SEL1L: variants seen among roughly 807,000 people sequenced by gnomAD.
SEL1L encodes the protein protein sel-1 homolog 1.
SEL1L carries 52 observed loss-of-function variants against 109.8 expected under a neutral mutation model. The ratio of observed to expected loss-of-function variants is 0.47; its 90% CI spans 0.38 to 0.60. The LOEUF is 0.60. Ranked by LOEUF, SEL1L falls within the 20% of genes least tolerant of loss-of-function variation. The pLI is 0.00. For synonymous variants in SEL1L, 373 were observed against 339.6 expected, an observed-to-expected ratio of 1.10 and a Z score of -1.08; for missense variants, 749 against 962.2, an observed-to-expected ratio of 0.78 and a Z score of 2.93.
intron 1 of SEL1L, among the ~76,000 whole-genome samples, chr14:81,530,670 A>G (rs939170098): frequency 6.6e-6 from 1 of 152,240 alleles, no homozygotes; most frequent in South Asian, 2.1e-4. Context: ...ATGAAGAAAT[A>G]TCTTTTTAGT....
intron 3 of SEL1L, among the ~76,000 whole-genome samples, chr14:81,517,236 G>C (rs1884735679): frequency 6.6e-6 from 1 of 152,158 alleles, no homozygotes. Flanking sequence ...CTGGCTTGCT[G>C]GATGCCCCTG....
At chr14:81,501,643 C>A (rs1035624592) in intron 6 of SEL1L, among the ~76,000 whole-genome samples, 1 of 152,098 alleles carries the variant, frequency 6.6e-6, no homozygotes, top group Non-Finnish European at 1.5e-5. Flanking sequence ...TTAGATATTT[C>A]ACTTATCTTT....
chr14:81,529,923 A>G (rs1324539543), intron 1 of SEL1L, among the ~76,000 whole-genome samples: 2 of 152,252 alleles, frequency 1.3e-5, no homozygotes, highest in Non-Finnish European at 2.9e-5. Flanking sequence ...TGTTTTCATC[A>G]GAACACAGAT....
At position 81,526,889 on chromosome 14, in the gene SEL1L, C is replaced by T; in HGVS notation, c.184G>A (p.Asp62Asn). The T allele has an allele frequency of 6.3e-7, 1 of 1,598,646 alleles. No individual in the cohort carries two copies. Among genetic ancestry groups the T allele is most frequent in the Non-Finnish European group, 8.5e-7 (1 of 1,174,434 alleles). Residue 62 changes from aspartate (D) to asparagine (N), a missense_variant, in exon 3 of 21, where the codon GAT becomes AAT. Physicochemically the swap from Asp to Asn is conservative, Grantham distance 23 (BLOSUM62 1). This residue lies in a region of SEL1L where 366 missense variants were observed against 399.8 expected (regional missense o/e 0.92). Transcript: ENST00000336735. ...GRVVAGQIFL[D>N]SEESELESSI... is the part of the protein sequence containing the mutation. The stretch of plus-strand genomic sequence containing the variant: ...GATTCTAATTCAGATTCTTCTGAAT[C>T]AAGAAATATTTGACCAGCAACTACT...
At chr14:81,484,063 G>A (rs367572708) in intron 19 of SEL1L, among the ~76,000 whole-genome samples, 162 bp downstream of exon 19, 3 of 152,318 alleles carry the variant, frequency 2.0e-5, no homozygotes, top group African/African-American at 7.2e-5. Context: ...GCTGGAAGAT[G>A]AGAGATGGAA....
Position 81,506,214 on chromosome 14 carries a change from T to G in SEL1L, c.368A>C (p.His123Pro), listed in dbSNP as rs1479197930. The G allele has an allele frequency of 6.2e-6, 10 of 1,607,778 alleles. No homozygotes were observed. The highest frequency in any genetic ancestry group is 7.6e-6 in the Non-Finnish European group (9 of 1,177,830). ...PALTAIEGTA[H>P]GEPCHFPFLF... ...AAAAGGGAAGTGGCAGGGCTCCCCATGTGCTGTGCCTTCAATGGCGGTCAA... is the reference window on the plus strand; with the variant it reads ...AAAAGGGAAGTGGCAGGGCTCCCCAGGTGCTGTGCCTTCAATGGCGGTCAA... Residue 123 changes from histidine (H) to proline (P), a missense_variant, in exon 4 of 21, where the codon CAT (histidine) becomes CCT (proline). Physicochemically the swap from His to Pro is moderately conservative, Grantham distance 77. This residue lies in a region of SEL1L where 366 missense variants were observed against 399.8 expected (regional missense o/e 0.92). Coordinates refer to ENST00000336735, the MANE Select transcript of SEL1L (RefSeq NM_005065.6).
Position 81,498,421 on chromosome 14 carries a change from G to A in SEL1L, c.965C>T (p.Ala322Val), listed in dbSNP as rs781242685. The change falls in exon 9 of 21, where the codon GCC becomes GTC. Residue 322 changes from alanine to valine, a missense_variant. Coordinates refer to ENST00000336735, the MANE Select transcript of SEL1L (RefSeq NM_005065.6). Reference sequence around the variant, plus strand: ...AGGGGAAACATAGATACCATGATTGGCAACAAGACGATAGTGAGTCAGGGC... The same window carrying A: ...AGGGGAAACATAGATACCATGATTGACAACAAGACGATAGTGAGTCAGGGC... ...ESALTHYRLV[A>V]NHVASDISLT... The A allele has an allele frequency of 6.2e-7, 1 of 1,612,538 alleles. No homozygotes were observed. Among genetic ancestry groups the A allele is most frequent in the Non-Finnish European group, 8.5e-7 (1 of 1,179,056 alleles).
At chr14:81,518,207 T>C (rs1262110804) in intron 3 of SEL1L, among the ~76,000 whole-genome samples, 4 of 151,704 alleles carry the variant, frequency 2.6e-5, no homozygotes, top group African/African-American at 9.7e-5. Context: ...ACGGAACTTC[T>C]TGTACTCTGA....
At chr14:81,491,001 G>A (rs1332400023) in intron 12 of SEL1L, among the ~76,000 whole-genome samples, 1 of 152,152 alleles carries the variant, frequency 6.6e-6, no homozygotes, top group African/African-American at 2.4e-5. Flanking sequence ...TCAAATTTAT[G>A]ACTTATTTAT....
At chr14:81,533,178 C>A (rs1885400786) in intron 1 of SEL1L, among the ~76,000 whole-genome samples, 1 of 152,172 alleles carries the variant, frequency 6.6e-6, no homozygotes, top group Non-Finnish European at 1.5e-5. Context: ...CAAAAGTCTT[C>A]GTTTTTAAAC....
chr14:81,518,659 TAAAAAAAAAAAA>T lies in SEL1L; in HGVS notation c.340+8062_340+8073del, dbSNP rs35790401. 3.6e-5 allele frequency among the ~76,000 whole-genome samples: 3 copies of T among 84,480 alleles called. No individual in the cohort carries two copies. In the East Asian group the frequency reaches 9.7e-4, roughly 27 times the overall value. 55.4% of individuals were successfully genotyped at this position (84,480 alleles called of 152,430 possible). On this transcript the variant is annotated intron_variant, in intron 3 of 20. Coordinates refer to ENST00000336735, the MANE Select transcript of SEL1L (RefSeq NM_005065.6). Reference sequence around the variant, plus strand: ...TGGGGGACAAGAGCGAGACTTCGTCTAAAAAAAAAAAAAAAAAAAAAGGTAAAAAGATTAGAA... The same window carrying T: ...TGGGGGACAAGAGCGAGACTTCGTCTAAAAAAAAAGGTAAAAAGATTAGAA...
At chr14:81,484,497 G>T (rs987760989) in intron 18 of SEL1L, 100 bp from the exon 19 acceptor site, 3 of 1,133,986 alleles carry the variant, frequency 2.6e-6, no homozygotes, top group Admixed American at 2.3e-5. Flanking sequence ...ATAAAACAAA[G>T]AATTTTAATT....
In SEL1L at chr14:81,475,660, G is replaced by A. The variant is rs113517188; in HGVS notation, c.*1312C>T. On this transcript the variant is annotated 3_prime_UTR_variant, in exon 21 of 21. Transcript: ENST00000336735. ...GACAATAAAATGAAATACAAATTCA[G>A]TTTAAGCTTTAATTATTTCACGTGT... The A allele has an allele frequency of 5.9e-5, 9 of 152,248 alleles. No individual in the cohort carries two copies. The highest frequency in any genetic ancestry group is 2.2e-4 in the African/African-American group (9 of 41,538). 9.4% of individuals were successfully genotyped at this position (152,248 alleles called of 1,614,324 possible).
At chr14:81,518,563 G>T (rs1884790297) in intron 3 of SEL1L, among the ~76,000 whole-genome samples, 1 of 150,458 alleles carries the variant, frequency 6.6e-6, no homozygotes, top group African/African-American at 2.5e-5. Flanking sequence ...GGGAGACTGA[G>T]GCAGGAGAAT....
At chr14:81,527,244 C>T (rs902090012) in intron 2 of SEL1L, among the ~76,000 whole-genome samples, 1 of 152,272 alleles carries the variant, frequency 6.6e-6, no homozygotes, top group African/African-American at 2.4e-5. Context: ...CCCAACATAC[C>T]TTATACTTCT....
chr14:81,505,203 T>A (rs1310367852), intron 4 of SEL1L, among the ~76,000 whole-genome samples: 1 of 152,202 alleles, frequency 6.6e-6, no homozygotes, highest in Admixed American at 6.5e-5. Context: ...TAATACAAGT[T>A]AGTAAAAAAT....
At chr14:81,481,180 G>C (rs1903345960) in intron 19 of SEL1L, among the ~76,000 whole-genome samples, 1 of 152,126 alleles carries the variant, frequency 6.6e-6, no homozygotes, top group African/African-American at 2.4e-5. Context: ...GGAGTGTTCT[G>C]AATTCAGATA....
Position 81,484,371 on chromosome 14 carries a change from C to T in SEL1L, c.1900G>A (p.Gly634Arg), listed in dbSNP as rs749864202. 1.9e-6 allele frequency: 3 copies of T among 1,613,718 alleles called. No homozygotes were observed. Among genetic ancestry groups the T allele is most frequent in the Non-Finnish European group, 2.5e-6 (3 of 1,179,746 alleles). ...CCAAACCCATAGAAATGGTAGTCTC[C>T]GAGCTTAATTCTAGCCACAGTATAG... Reference protein sequence around the residue: ...QGYTVARIKLGDYHFYGFGTD... With the variant: ...QGYTVARIKLRDYHFYGFGTD... The change falls in exon 19 of 21, where the codon GGA (glycine) becomes AGA (arginine). Residue 634 changes from glycine to arginine, a missense_variant. Physicochemically the swap from Gly to Arg is moderately radical, Grantham distance 125. This residue lies in a region of SEL1L where 383 missense variants were observed against 562.5 expected (regional missense o/e 0.68). Transcript: ENST00000336735.
At chr14:81,487,348 C>G (rs1193260993) in intron 16 of SEL1L, 42 bp downstream of exon 16, 1 of 1,515,326 alleles carries the variant, frequency 6.6e-7, no homozygotes, top group Admixed American at 2.6e-5. Flanking sequence ...TCCTGCTGGG[C>G]AAATCAACTC....
Sources: gnomAD v4.1 joint callset for allele counts (sites outside exome capture counted in the v4.1 genomes callset) on GRCh38, gnomAD v4.1.1 for gene constraint, gnomAD v4.1.1 regional missense constraint, MANE v1.5 for transcripts, NCBI Gene and HGNC (gene_info 2026-07-23, HGNC 2026-07-21) for gene names.